The following PLD1 variants were observed in gnomAD, a reference collection of about 807,000 sequenced individuals.
The protein encoded by PLD1 is phospholipase D1.
Under a neutral mutation model 137.1 loss-of-function variants are expected in PLD1, and 112 were observed. The ratio of observed to expected loss-of-function variants is 0.82; its 90% CI spans 0.70 to 0.96. PLD1 has a LOEUF of 0.96. Among genes scored for constraint, PLD1 ranks in the 40% least tolerant of loss-of-function variants. The probability of loss-of-function intolerance (pLI) is 0.00; values close to 1 mark genes in which losing one functional copy is unlikely to be tolerated. For missense variants in PLD1, 1,321 were observed against 1,342.0 expected (o/e 0.98, Z 0.24); for synonymous variants, 431 against 454.7 (o/e 0.95, Z 0.66).
rs772271606 is a variant in PLD1, at chr3:171,734,985, C to A, written c.435-15G>T. The stretch of plus-strand genomic sequence containing the variant: ...TAAACGTGTGTCTAAAACACAAACA[C>A]ACAGAATGCAAACACCTACTAGATT... On this transcript the variant is annotated splice_polypyrimidine_tract_variant and intron_variant, in intron 4 of 26. Coordinates refer to ENST00000351298, the MANE Select transcript of PLD1 (RefSeq NM_002662.5). 7.0e-7 allele frequency: 1 copy of A among 1,430,696 alleles called. No homozygotes were observed. Among genetic ancestry groups the A allele is most frequent in the East Asian group, 2.3e-5 (1 of 43,994 alleles). 88.6% of individuals were successfully genotyped at this position (1,430,696 alleles called of 1,614,324 possible). A position where few individuals can be genotyped will look rare whatever the true frequency, so the allele number is the denominator to read the frequency against.
intron 13 of PLD1, among the ~76,000 whole-genome samples, chr3:171,690,858 G>A (rs544124146): frequency 3.9e-5 from 6 of 152,242 alleles, no homozygotes; most frequent in East Asian, 1.9e-4. Context: ...TTTACTGTAC[G>A]TTCAAGTCCT....
At position 171,764,883 on chromosome 3, in the gene PLD1, GAAAGA is replaced by G. The variant is rs1560288502; in HGVS notation, c.-31-26806_-31-26802del. ...AGAAAGAAAGAAAGAAAGAAAGAAAGAAAGAAAGAAAGGAAGGAAGGAAGGAAGGA... is the reference window on the plus strand; with the variant it reads ...AGAAAGAAAGAAAGAAAGAAAGAAAGAAGAAAGGAAGGAAGGAAGGAAGGA... On this transcript the variant is annotated intron_variant, in intron 1 of 26. Coordinates refer to ENST00000351298, the MANE Select transcript of PLD1 (RefSeq NM_002662.5). Among the ~76,000 whole-genome samples, 28 of 25,200 alleles carry G rather than the reference GAAAGA, an allele frequency of 1.1e-3. 1 individual carries two copies. Among genetic ancestry groups the G allele is most frequent in the East Asian group, 3.2e-3 (6 of 1,886 alleles). The allele number at this position is 25,200 out of a possible 152,430, so 16.5% of individuals were successfully genotyped here.
chr3:171,644,903 T>C lies in PLD1; in HGVS notation c.2543+7A>G. 1.3e-6 allele frequency: 2 copies of C among 1,561,110 alleles called. No homozygotes were observed. The highest frequency in any genetic ancestry group is 2.2e-5 in the East Asian group (1 of 44,640). The stretch of plus-strand genomic sequence containing the variant: ...AGCTCAAAATAGACCATTTAGAGTT[T>C]TGGCACCTGTAGTTGAAGTGCATGA... On this transcript the variant is annotated splice_region_variant and intron_variant, in intron 22 of 26. Transcript: ENST00000351298.
At chr3:171,730,602 G>A (rs919182125) in intron 6 of PLD1, among the ~76,000 whole-genome samples, 1 of 150,070 alleles carries the variant, frequency 6.7e-6, no homozygotes, top group African/African-American at 2.5e-5. Context: ...TTCCTTTGGG[G>A]AAAATCCTAT....
intron 25 of PLD1, among the ~76,000 whole-genome samples, chr3:171,607,853 T>C (rs1578089314): frequency 6.6e-6 from 1 of 152,202 alleles, no homozygotes; most frequent in Admixed American, 6.5e-5. Flanking sequence ...ATTTAGTGCA[T>C]GTTTGATTCT....
At chr3:171,797,145 C>A (rs186990390) in intron 1 of PLD1, among the ~76,000 whole-genome samples, 1 of 152,236 alleles carries the variant, frequency 6.6e-6, no homozygotes. Flanking sequence ...ACATTCTGCA[C>A]TCTCCCTCCC....
Position 171,805,445 on chromosome 3 carries a change from C to T in PLD1, c.-32+4954G>A, listed in dbSNP as rs188802677. Among the ~76,000 whole-genome samples, 10 of 152,174 alleles carry T rather than the reference C, an allele frequency of 6.6e-5. 1 individual carries two copies. The highest frequency in any genetic ancestry group is 3.9e-4 in the East Asian group (2 of 5,182). ...ATTATTAAAATATTGAAATGCTTCC[C>T]TCTGGAAATATTGCACATAACACCC... On this transcript the variant is annotated intron_variant, in intron 1 of 26. Coordinates refer to ENST00000351298, the MANE Select transcript of PLD1 (RefSeq NM_002662.5).
intron 1 of PLD1, among the ~76,000 whole-genome samples, chr3:171,781,072 T>A (rs900827712): frequency 3.3e-5 from 5 of 152,178 alleles, no homozygotes; most frequent in African/African-American, 1.2e-4. Flanking sequence ...GACATCGTAG[T>A]AAGTCTATAG....
At chr3:171,686,641 A>C in intron 16 of PLD1, 44 bp downstream of exon 16, 3 of 1,029,454 alleles carry the variant, frequency 2.9e-6, no homozygotes, top group Non-Finnish European at 4.5e-6. Flanking sequence ...AACACAACCA[A>C]AGCTCAAGCC....
chr3:171,730,251 T>C (rs933883210), intron 6 of PLD1, among the ~76,000 whole-genome samples: 2 of 152,188 alleles, frequency 1.3e-5, no homozygotes, highest in African/African-American at 4.8e-5. Flanking sequence ...AACTCAGATA[T>C]TGCTATTTTT....
chr3:171,763,843 T>C (rs1232575410), intron 1 of PLD1, among the ~76,000 whole-genome samples: 2 of 145,244 alleles, frequency 1.4e-5, no homozygotes, highest in Non-Finnish European at 3.0e-5. Context: ...TTTTTTTTTT[T>C]TTTTTTTTTG....
chr3:171,680,678 A>G (rs1043861113), intron 16 of PLD1, among the ~76,000 whole-genome samples: 1 of 152,178 alleles, frequency 6.6e-6, no homozygotes, highest in Non-Finnish European at 1.5e-5. Context: ...TATGTCTAAC[A>G]CTAAAATCAT....
intron 11 of PLD1, among the ~76,000 whole-genome samples, chr3:171,700,296 T>C (rs1716130784): frequency 6.6e-6 from 1 of 150,428 alleles, no homozygotes; most frequent in Non-Finnish European, 1.5e-5. Context: ...AAGTTTTTCC[T>C]CCCTGAAACA....
chr3:171,796,647 G>A (rs953222202), intron 1 of PLD1, among the ~76,000 whole-genome samples: 2 of 152,136 alleles, frequency 1.3e-5, no homozygotes, highest in African/African-American at 4.8e-5. Flanking sequence ...AAGAAACCAA[G>A]GCCCAGGAGG....
intron 1 of PLD1, among the ~76,000 whole-genome samples, chr3:171,751,988 G>A (rs2108292352): frequency 6.7e-6 from 1 of 150,036 alleles, no homozygotes; most frequent in East Asian, 2.0e-4. Context: ...GGGCGACAGA[G>A]CGAGACTCCG....
chr3:171,615,686 GA>G (rs1215331613), intron 24 of PLD1, among the ~76,000 whole-genome samples: 2 of 152,166 alleles, frequency 1.3e-5, no homozygotes, highest in East Asian at 3.8e-4. Flanking sequence ...TTATGTCTTT[GA>G]GATTTTTCTG....
At chr3:171,780,292 A>C (rs1218651404) in intron 1 of PLD1, among the ~76,000 whole-genome samples, 1 of 151,280 alleles carries the variant, frequency 6.6e-6, no homozygotes, top group Admixed American at 6.6e-5. Context: ...ATTTGGATCC[A>C]TAAGTCTAAC....
At chr3:171,750,675 G>C (rs1197157216) in intron 1 of PLD1, among the ~76,000 whole-genome samples, 1 of 152,160 alleles carries the variant, frequency 6.6e-6, no homozygotes, top group African/African-American at 2.4e-5. Context: ...GTGTTCAGGA[G>C]AACCACACTA....
At chr3:171,700,406 T>G (rs1418553866) in intron 11 of PLD1, among the ~76,000 whole-genome samples, 1 of 151,958 alleles carries the variant, frequency 6.6e-6, no homozygotes, top group African/African-American at 2.4e-5. Flanking sequence ...TCTCTCCCTC[T>G]CTCTCAGAGA....
Sources: gnomAD v4.1 joint callset for allele counts (sites outside exome capture counted in the v4.1 genomes callset) on GRCh38, gnomAD v4.1.1 for gene constraint, MANE v1.5 for transcripts, NCBI Gene and HGNC (gene_info 2026-07-23, HGNC 2026-07-21) for gene names.